The following KLHL6 variants were observed in gnomAD, a reference collection of about 807,000 sequenced individuals.
KLHL6 encodes the protein kelch like family member 6.
KLHL6 carries 41 observed loss-of-function variants against 58.6 expected under a neutral mutation model. The ratio of observed to expected loss-of-function variants is 0.70; its 90% CI spans 0.55 to 0.91. The LOEUF (loss-of-function observed/expected upper bound fraction) is 0.91. Among genes scored for constraint, KLHL6 ranks in the 40% least tolerant of loss-of-function variants. The pLI, the probability that KLHL6 is intolerant of heterozygous loss-of-function variation, is 0.00. For synonymous variants in KLHL6, 338 were observed against 322.7 expected (o/e 1.05, Z -0.51); for missense variants, 714 against 805.6 (o/e 0.89, Z 1.38).
In KLHL6 at chr3:183,499,967, T is replaced by C; in HGVS notation, c.910-140A>G. 1.7e-6 allele frequency: 1 copy of C among 596,166 alleles called. No homozygotes were observed. Among genetic ancestry groups the C allele is most frequent in the East Asian group, 2.9e-5 (1 of 34,028 alleles). The allele number at this position is 596,166 out of a possible 1,614,324, so 36.9% of individuals were successfully genotyped here. ...GACTTCACCTCCCTGAGCCTCAGTT[T>C]CATCATCTGTATAATCGGGATAGCA... On this transcript the variant is annotated intron_variant, in intron 3 of 6. Coordinates refer to ENST00000341319, the MANE Select transcript of KLHL6 (RefSeq NM_130446.4). The surrounding 1 kb of genome is among the most constrained non-coding windows in gnomAD (Gnocchi z 4.6).
chr3:183,492,285 C>A lies in KLHL6; in HGVS notation c.1565-57G>T. 1 of 1,464,156 alleles carries A rather than the reference C, an allele frequency of 6.8e-7. No homozygotes were observed. Among genetic ancestry groups the A allele is most frequent in the Non-Finnish European group, 9.2e-7 (1 of 1,090,608 alleles). 90.7% of individuals were successfully genotyped at this position (1,464,156 alleles called of 1,614,324 possible). A position where few individuals can be genotyped will look rare whatever the true frequency, so the allele number is the denominator to read the frequency against. On this transcript the variant is annotated intron_variant, in intron 6 of 6. Transcript: ENST00000341319. The surrounding 1 kb of genome is among the most constrained non-coding windows in gnomAD (Gnocchi z 5.9). Reference sequence around the variant, plus strand: ...GCTCCATTTTTCTGGTTTCTTCCCTCTTAACCACTAAAATTCAACTTCTGA... The same window carrying A: ...GCTCCATTTTTCTGGTTTCTTCCCTATTAACCACTAAAATTCAACTTCTGA...
At chr3:183,531,456 T>TTTTTG (rs1712160697) in intron 1 of KLHL6, among the ~76,000 whole-genome samples, 3 of 138,622 alleles carry the variant, frequency 2.2e-5, no homozygotes, top group African/African-American at 8.1e-5. Context: ...TTTTTTTTTT[T>TTTTTG]TTTTTTTTTT....
rs150096820 is a variant in KLHL6, at chr3:183,492,209, C to G, written c.1584G>C (p.Leu528=). 2.6e-5 allele frequency: 41 copies of G among 1,605,138 alleles called. No homozygotes were observed. The African/African-American group carries it at 5.1e-4, about 20-fold the overall frequency. ...TGTCTTCCAGCGGGCTGTAGGCGTA[C>G]AGCGCTCTCATGGCCCCACCTGAGG... ...IYVVGGAMRA[L]YAYSPLEDSW... The change falls in exon 7 of 7, where the codon CTG becomes CTC. Residue 528 remains leucine (L), a synonymous_variant. Transcript: ENST00000341319. The surrounding 1 kb of genome is among the most constrained non-coding windows in gnomAD (Gnocchi z 5.9).
At chr3:183,520,107 G>A (rs1711706478) in intron 2 of KLHL6, 1 of 152,112 alleles carries the variant, frequency 6.6e-6, no homozygotes, top group Non-Finnish European at 1.5e-5. Flanking sequence ...TGGCTAGGGA[G>A]GCTGTGAAGG....
At chr3:183,539,162 A>G (rs1224447996) in intron 1 of KLHL6, among the ~76,000 whole-genome samples, 1 of 152,224 alleles carries the variant, frequency 6.6e-6, no homozygotes, top group Non-Finnish European at 1.5e-5. Flanking sequence ...AGGAGACTGA[A>G]TGAAGATCAA....
intron 2 of KLHL6, among the ~76,000 whole-genome samples, chr3:183,515,458 G>A (rs1389948991): frequency 4.6e-5 from 7 of 152,182 alleles, no homozygotes; most frequent in African/African-American, 1.4e-4. Flanking sequence ...TGAGGAGGGA[G>A]GATTGCTTGA....
intron 1 of KLHL6, among the ~76,000 whole-genome samples, chr3:183,540,717 C>T (rs1712524543): frequency 1.3e-5 from 2 of 152,122 alleles, no homozygotes; most frequent in Admixed American, 6.5e-5. Context: ...TTGATGATTA[C>T]CCTAAGCTCT....
At chr3:183,497,774 T>C (rs1195407023) in intron 4 of KLHL6, among the ~76,000 whole-genome samples, 1 of 152,234 alleles carries the variant, frequency 6.6e-6, no homozygotes. Context: ...GACCCCTGCA[T>C]ACTATTGTGT....
At chr3:183,534,150 A>ACTTTTAAAGTACTTTGTACTTTT (rs1455531221) in intron 1 of KLHL6, among the ~76,000 whole-genome samples, 2 of 149,898 alleles carry the variant, frequency 1.3e-5, no homozygotes, top group South Asian at 4.2e-4. Context: ...AAAGTACTTT[A>ACTTTTAAAGTACTTTGTACTTTT]AAAGTACTTT....
intron 4 of KLHL6, among the ~76,000 whole-genome samples, chr3:183,497,273 A>G (rs528198665): frequency 1.4e-4 from 21 of 152,328 alleles, no homozygotes; most frequent in African/African-American, 5.1e-4. Context: ...TTGGCCAGGC[A>G]TGATGGCATG....
At chr3:183,541,372 C>T (rs753381543) in intron 1 of KLHL6, among the ~76,000 whole-genome samples, 5 of 152,254 alleles carry the variant, frequency 3.3e-5, no homozygotes, top group East Asian at 1.9e-4. Flanking sequence ...TGAATCTAGA[C>T]GTGAAGGAGG....
At chr3:183,514,205 G>C (rs898194781) in intron 2 of KLHL6, among the ~76,000 whole-genome samples, 3 of 152,204 alleles carry the variant, frequency 2.0e-5, no homozygotes, top group African/African-American at 7.2e-5. Flanking sequence ...AATACAACAC[G>C]GAGTGTGGAA....
chr3:183,526,678 C>A (rs1183873836), intron 2 of KLHL6, among the ~76,000 whole-genome samples: 1 of 152,188 alleles, frequency 6.6e-6, no homozygotes, highest in Admixed American at 6.5e-5. Flanking sequence ...TGCACCATGT[C>A]TGTCCTCTCC....
chr3:183,544,819 G>A (rs1054255641), intron 1 of KLHL6: 1 of 150,992 alleles, frequency 6.6e-6, no homozygotes, highest in Non-Finnish European at 1.4e-5. Context: ...TTTAGCCAAG[G>A]GTGGACTCCT....
intron 1 of KLHL6, among the ~76,000 whole-genome samples, chr3:183,530,580 G>A (rs1319277242): frequency 1.3e-5 from 2 of 152,040 alleles, no homozygotes; most frequent in East Asian, 1.9e-4. Context: ...AGGCAAAAGG[G>A]AACCAAAAAT....
chr3:183,498,407 G>A (rs1344025811), intron 4 of KLHL6, among the ~76,000 whole-genome samples: 1 of 152,162 alleles, frequency 6.6e-6, no homozygotes, highest in African/African-American at 2.4e-5. Flanking sequence ...CTAAGAAAGG[G>A]GAAGGGAAGC....
rs148464702 is a variant in KLHL6, at chr3:183,524,320, C to T, written c.459+3525G>A. ...GTGGCATTCATTTCAAAGATCCCAC[C>T]GCATGTGAGAACAGGTCCCTTAGGC... On this transcript the variant is annotated intron_variant, in intron 2 of 6. Transcript: ENST00000341319. Among the ~76,000 whole-genome samples, 389 of 152,232 alleles carry T rather than the reference C, an allele frequency of 2.6e-3. 1 individual carries two copies. The highest frequency in any genetic ancestry group is 9.1e-3 in the African/African-American group (376 of 41,486).
chr3:183,508,418 G>A lies in KLHL6; in HGVS notation c.550C>T (p.His184Tyr), dbSNP rs752285462. ...CVGILRLADT[H>Y]SLDSLKKQVQ... is the part of the protein sequence containing the mutation. ...TGCTTCTTTAGACTGTCCAGCGAGT[G>A]TGTGTCAGCCAGCCTCAGTATTCCA... The change falls in exon 3 of 7, where the codon CAC (histidine) becomes TAC (tyrosine). Residue 184 changes from histidine (H) to tyrosine (Y), a missense_variant. Transcript: ENST00000341319. The A allele has an allele frequency of 4.0e-5, 64 of 1,614,212 alleles. No homozygotes were observed. Among genetic ancestry groups the A allele is most frequent in the Non-Finnish European group, 5.4e-5 (64 of 1,180,046 alleles).
intron 2 of KLHL6, among the ~76,000 whole-genome samples, chr3:183,516,984 A>G (rs1711589723): frequency 6.6e-6 from 1 of 152,128 alleles, no homozygotes; most frequent in African/African-American, 2.4e-5. Flanking sequence ...TCTCAACTCA[A>G]TGCAACCTTC....
Sources: allele counts gnomAD v4.1 joint callset (sites outside exome capture counted in the v4.1 genomes callset), GRCh38; gene constraint gnomAD v4.1.1; non-coding constraint Gnocchi (gnomAD v3.1); transcripts MANE v1.5; gene names NCBI Gene and HGNC (gene_info 2026-07-23, HGNC 2026-07-21).